The following PCDHA8 variants were observed in gnomAD, a reference collection of about 807,000 sequenced individuals.
PCDHA8 encodes the protein protocadherin alpha-8.
Under a neutral mutation model 61.8 loss-of-function variants are expected in PCDHA8, and 53 were observed. The ratio of observed to expected loss-of-function variants is 0.86; its 90% CI spans 0.69 to 1.08. PCDHA8 has a LOEUF of 1.08. PCDHA8 is among the 50% of genes least tolerant of loss of function. The pLI is 0.00. For missense variants in PCDHA8, 1,293 were observed against 1,245.0 expected, an observed-to-expected ratio of 1.04 and a Z score of -0.58; for synonymous variants, 618 against 556.6, an observed-to-expected ratio of 1.11 and a Z score of -1.55.
At chr5:140,967,249 G>A (rs782040791) in intron 1 of PCDHA8, 1 of 1,613,592 alleles carries the variant, frequency 6.2e-7, no homozygotes, top group Non-Finnish European at 8.5e-7. Context: ...GCGAATCGGT[G>A]GCGCCTGGAG....
At chr5:140,843,811 A>G (rs1388764041) in intron 1 of PCDHA8, 96 bp downstream of exon 1, 1 of 1,276,222 alleles carries the variant, frequency 7.8e-7, no homozygotes, top group Non-Finnish European at 1.1e-6. Context: ...CGTATTTTAT[A>G]GTGAAAATTT....
intron 1 of PCDHA8, among the ~76,000 whole-genome samples, chr5:140,911,002 C>A (rs1216727256): frequency 6.6e-6 from 1 of 152,114 alleles, no homozygotes; most frequent in Non-Finnish European, 1.5e-5. Context: ...CCCTAGGGCC[C>A]TCCTGGGACT....
At chr5:140,869,684 T>G in intron 1 of PCDHA8, 1 of 1,613,486 alleles carries the variant, frequency 6.2e-7, no homozygotes, top group Non-Finnish European at 8.5e-7. Flanking sequence ...AGACTGTCAC[T>G]TATTTTAAAG....
chr5:140,874,359 G>T (rs1456899858), intron 1 of PCDHA8, among the ~76,000 whole-genome samples: 1 of 152,176 alleles, frequency 6.6e-6, no homozygotes, highest in East Asian at 1.9e-4. Context: ...TTGAATTAAT[G>T]AATAAACTCA....
chr5:140,863,121 G>A, intron 1 of PCDHA8: 2 of 592,122 alleles, frequency 3.4e-6, no homozygotes, highest in South Asian at 2.7e-5. Context: ...CGAAAGCTAC[G>A]CGCCACCGCC....
rs2150325342 is a variant in PCDHA8, at chr5:140,841,910, A to T, written c.589A>T (p.Arg197Ter). 3.1e-6 allele frequency: 5 copies of T among 1,613,810 alleles called. No individual in the cohort carries two copies. In the African/African-American group the frequency reaches 6.7e-5, roughly 22 times the overall value. ...DENKLVELVL[R>*]KSLDREDAPA... is the part of the protein sequence containing the mutation. ...GAATAAACTGGTTGAGCTCGTATTA[A>T]GAAAATCCTTGGACAGAGAGGACGC... is the stretch of plus-strand genomic sequence containing the variant. Residue 197 changes from arginine (R) to a stop codon, truncating the protein, a stop_gained, in exon 1 of 4, where the codon AGA becomes TGA. Coordinates refer to ENST00000531613, the MANE Select transcript of PCDHA8 (RefSeq NM_018911.3). LOFTEE classifies it high-confidence loss of function.
chr5:140,952,058 T>A (rs889374877), intron 1 of PCDHA8, among the ~76,000 whole-genome samples: 7 of 151,978 alleles, frequency 4.6e-5, no homozygotes, highest in Non-Finnish European at 8.8e-5. Context: ...ATCTTAAAGC[T>A]CCAAATAATC....
intron 1 of PCDHA8, among the ~76,000 whole-genome samples, chr5:140,937,132 GGTT>G (rs2091356684): frequency 6.6e-6 from 1 of 151,434 alleles, no homozygotes. Context: ...CCGCCTCCCG[GGTT>G]CATGCCATTC....
intron 1 of PCDHA8, among the ~76,000 whole-genome samples, chr5:140,941,369 T>C (rs2093052615): frequency 6.8e-6 from 1 of 147,356 alleles, no homozygotes; most frequent in Non-Finnish European, 1.5e-5. Context: ...TAGGCTGGAG[T>C]GTAGTGACAG....
intron 1 of PCDHA8, chr5:140,861,762 T>G (rs2047066854): frequency 1.1e-5 from 1 of 90,318 alleles, no homozygotes; most frequent in Non-Finnish European, 2.3e-5. Context: ...TATTTTTCCC[T>G]GGAAATACCA....
At chr5:140,881,729 A>G (rs2058810929) in intron 1 of PCDHA8, among the ~76,000 whole-genome samples, 1 of 152,206 alleles carries the variant, frequency 6.6e-6, no homozygotes. Flanking sequence ...CTTGAAAAAT[A>G]TTACAGGAAG....
chr5:140,934,172 G>A (rs781789188), intron 1 of PCDHA8, among the ~76,000 whole-genome samples: 47 of 152,018 alleles, frequency 3.1e-4, no homozygotes, highest in Non-Finnish European at 6.6e-4. Flanking sequence ...TGCAACAGAA[G>A]TACTCTAAAC....
In PCDHA8 at chr5:140,850,187, G is replaced by A. The variant is rs2150472147; in HGVS notation, c.2394+6472G>A. ...TGGACGAGAACGACAATGCGCCGGC[G>A]CTGCTGACACCTCGGATGAGGGGCA... On this transcript the variant is annotated intron_variant, in intron 1 of 3. Coordinates refer to ENST00000531613, the MANE Select transcript of PCDHA8 (RefSeq NM_018911.3). 27 of 1,593,150 alleles carry A rather than the reference G, an allele frequency of 1.7e-5. 2 individuals are homozygous for A. In the Admixed American group the frequency reaches 3.4e-4, roughly 20 times the overall value.
At chr5:140,859,201 G>A (rs1356259348) in intron 1 of PCDHA8, 1 of 149,574 alleles carries the variant, frequency 6.7e-6, no homozygotes. Flanking sequence ...ATGATATTCA[G>A]GTATTAGCTC....
chr5:140,990,232 C>T (rs983376308), intron 3 of PCDHA8, among the ~76,000 whole-genome samples: 4 of 152,054 alleles, frequency 2.6e-5, no homozygotes, highest in Non-Finnish European at 4.4e-5. Flanking sequence ...TTGTAACTAG[C>T]GTTGTATTCC....
chr5:140,849,804 G>A, intron 1 of PCDHA8: 2 of 1,598,448 alleles, frequency 1.3e-6, no homozygotes, highest in South Asian at 1.1e-5. Flanking sequence ...TTCACTGTGG[G>A]CCACGGCCAG....
intron 1 of PCDHA8, chr5:140,870,054 T>G (rs895309313): frequency 1.2e-6 from 2 of 1,613,676 alleles, no homozygotes; most frequent in Non-Finnish European, 8.5e-7. Context: ...TTTATAAAAT[T>G]GAAGTACAGG....
At chr5:140,920,713 G>A (rs140720388) in intron 1 of PCDHA8, among the ~76,000 whole-genome samples, 41 of 152,140 alleles carry the variant, frequency 2.7e-4, no homozygotes, top group African/African-American at 9.6e-4. Context: ...GCATGGTGGT[G>A]TGCGCCTGCA....
chr5:140,884,159 A>T, intron 1 of PCDHA8: 3 of 1,613,418 alleles, frequency 1.9e-6, no homozygotes, highest in Non-Finnish European at 2.5e-6. Context: ...CACTGGCGAG[A>T]TCAGCACGAC....
Sources: allele counts gnomAD v4.1 joint callset (sites outside exome capture counted in the v4.1 genomes callset), GRCh38; gene constraint gnomAD v4.1.1; transcripts MANE v1.5; gene names NCBI Gene and HGNC (gene_info 2026-07-23, HGNC 2026-07-21).